The following TERB1 variants were observed in gnomAD, a reference collection of about 807,000 sequenced individuals.
TERB1 encodes telomere repeats-binding bouquet formation protein 1.
A neutral mutation model predicts 92.3 loss-of-function variants in TERB1; 63 were observed. The observed-to-expected ratio is 0.68, with a 90% confidence interval of 0.56 to 0.84. The LOEUF is 0.84. Ranked by LOEUF, TERB1 falls within the 40% of genes least tolerant of loss-of-function variation. The pLI, the probability that TERB1 is intolerant of heterozygous loss-of-function variation, is 0.00. For synonymous variants in TERB1, 252 were observed against 283.9 expected (o/e 0.89, Z 1.13); for missense variants, 709 against 843.7 (o/e 0.84, Z 1.98).
At chr16:66,782,906 C>T (rs1172230323) in intron 9 of TERB1, among the ~76,000 whole-genome samples, 1 of 152,138 alleles carries the variant, frequency 6.6e-6, no homozygotes, top group Non-Finnish European at 1.5e-5. Context: ...CTCCCTGTTG[C>T]CCAGGCTGGA....
chr16:66,789,703 A>AT (rs10542528), intron 5 of TERB1, among the ~76,000 whole-genome samples: 2,373 of 105,566 alleles, frequency 0.022, 70 homozygotes, highest in Middle Eastern at 0.065. Context: ...CTAAAAGGTG[A>AT]TTTTTTTTTT....
chr16:66,790,083 T>A (rs1339956786), intron 5 of TERB1, among the ~76,000 whole-genome samples: 1 of 152,188 alleles, frequency 6.6e-6, no homozygotes, highest in Admixed American at 6.5e-5. Flanking sequence ...TTTATATTCA[T>A]CCTCATTTTA....
At chr16:66,758,228 A>T (rs2018169224) in intron 18 of TERB1, 1 of 153,602 alleles carries the variant, frequency 6.5e-6, no homozygotes, top group Non-Finnish European at 1.4e-5. Flanking sequence ...AACACCTAGC[A>T]GGTGCTTAAT....
At chr16:66,797,186 TTGGGTGAC>T (rs1429352328) in intron 2 of TERB1, among the ~76,000 whole-genome samples, 2 of 152,030 alleles carry the variant, frequency 1.3e-5, no homozygotes, top group Admixed American at 1.3e-4. Context: ...AAATGAATGA[TTGGGTGAC>T]TGGATCTAAC....
chr16:66,794,915 AAAAAAAAACACAC>A (rs1334981630), intron 3 of TERB1, among the ~76,000 whole-genome samples: 2 of 75,156 alleles, frequency 2.7e-5, no homozygotes, highest in Admixed American at 3.6e-4. Flanking sequence ...GTCTCAAAAA[AAAAAAAAACACAC>A]ACACACACAC....
At chr16:66,781,812 G>C (rs186014804) in intron 9 of TERB1, among the ~76,000 whole-genome samples, 50 of 152,252 alleles carry the variant, frequency 3.3e-4, no homozygotes, top group Admixed American at 3.3e-3. Flanking sequence ...GAGCCACCGT[G>C]CTGGGCCCAA....
At chr16:66,785,562 G>A (rs888297335) in intron 9 of TERB1, among the ~76,000 whole-genome samples, 14 of 152,172 alleles carry the variant, frequency 9.2e-5, no homozygotes, top group Admixed American at 3.9e-4. Flanking sequence ...TCCGTTTTAT[G>A]AGAGTATCTG....
intron 16 of TERB1, among the ~76,000 whole-genome samples, chr16:66,759,622 A>C (rs1232685914): frequency 6.6e-6 from 1 of 151,366 alleles, no homozygotes; most frequent in African/African-American, 2.4e-5. Context: ...ATATGGTGAA[A>C]CCTCGTCTCT....
In TERB1 at chr16:66,793,211, G is replaced by GTTTTTTT. The variant is rs1174263983; in HGVS notation, c.32-2199_32-2193dup. On this transcript the variant is annotated intron_variant, in intron 3 of 18. Coordinates refer to ENST00000433154, the MANE Select transcript of TERB1 (RefSeq NM_001136505.2). Reference sequence around the variant, plus strand: ...GTCTCACTCTTTGTTTTGTGGTTTGGTTTTTTTTTTTTTTTTTTTTTTTTG... The same window carrying GTTTTTTT: ...GTCTCACTCTTTGTTTTGTGGTTTGGTTTTTTTTTTTTTTTTTTTTTTTTTTTTTTTG... Among the ~76,000 whole-genome samples, 45 of 93,560 alleles carry GTTTTTTT rather than the reference G, an allele frequency of 4.8e-4. 1 individual carries two copies. Among genetic ancestry groups the GTTTTTTT allele is most frequent in the Non-Finnish European group, 6.0e-4 (31 of 51,698 alleles). 61.4% of individuals were successfully genotyped at this position (93,560 alleles called of 152,430 possible).
Position 66,789,302 on chromosome 16 carries a change from C to T in TERB1, c.272-1005G>A, listed in dbSNP as rs1351640696. 1.7e-5 allele frequency among the ~76,000 whole-genome samples: 2 copies of T among 118,326 alleles called. 1 individual carries two copies. The highest frequency in any genetic ancestry group is 7.4e-5 in the African/African-American group (2 of 27,138). 77.6% of individuals were successfully genotyped at this position (118,326 alleles called of 152,430 possible). A position where few individuals can be genotyped will look rare whatever the true frequency, so the allele number is the denominator to read the frequency against. ...ATTAAAAATAAATTAAAAAAAAATT[C>T]GGCCGGGCGCGGTGGCTCACGCCTG... On this transcript the variant is annotated intron_variant, in intron 5 of 18. Transcript: ENST00000433154.
intron 2 of TERB1, among the ~76,000 whole-genome samples, chr16:66,798,448 C>T (rs983677001): frequency 3.9e-5 from 6 of 152,152 alleles, no homozygotes; most frequent in African/African-American, 1.4e-4. Context: ...TCCCAAAGGG[C>T]TGAGATTAGA....
intron 3 of TERB1, among the ~76,000 whole-genome samples, chr16:66,795,592 G>A (rs2145256677): frequency 6.6e-6 from 1 of 152,160 alleles, no homozygotes; most frequent in South Asian, 2.1e-4. Flanking sequence ...TGAGGTTGGA[G>A]GTTTCGTAAA....
intron 14 of TERB1, among the ~76,000 whole-genome samples, chr16:66,769,127 G>GA (rs1181446945): frequency 6.6e-6 from 1 of 151,284 alleles, no homozygotes; most frequent in East Asian, 1.9e-4. Context: ...AAAAGAAAAA[G>GA]AAAAAAGAAA....
rs114533248 is a variant in TERB1 at position 66,755,195 on chromosome 16, T to C, written c.1997-32A>G. 4.2e-4 allele frequency: 577 copies of C among 1,361,400 alleles called. 1 individual carries two copies. In the African/African-American group the frequency reaches 7.7e-3, roughly 18 times the overall value. The allele number at this position is 1,361,400 out of a possible 1,614,324, so 84.3% of individuals were successfully genotyped here. ...TTAGAATTGTAGAATATATTAGTAT[T>C]TGCTGAACAAAGGTCCTGAGATGCA... On this transcript the variant is annotated intron_variant, in intron 18 of 18. Transcript: ENST00000433154.
chr16:66,763,007 T>TA lies in TERB1; in HGVS notation c.1781-3718dup, dbSNP rs754202863. On this transcript the variant is annotated intron_variant, in intron 16 of 18. Transcript: ENST00000433154. ...GCCAGGACTCCTTTTTGTAAACAGA[T>TA]AAAACTATTATGACACCTAAAAATT... is the stretch of plus-strand genomic sequence containing the variant. Among the ~76,000 whole-genome samples, 106 of 152,138 alleles carry TA rather than the reference T, an allele frequency of 7.0e-4. 3 individuals are homozygous for TA. The highest frequency in any genetic ancestry group is 7.2e-4 in the Non-Finnish European group (49 of 68,024).
chr16:66,784,244 A>ATCT (rs35466724), intron 9 of TERB1, among the ~76,000 whole-genome samples: 76,680 of 151,428 alleles, frequency 0.51, 20,222 homozygotes, highest in African/African-American at 0.64. Context: ...ACGATTTCTA[A>ATCT]TCTCTTCATT....
At position 66,768,168 on chromosome 16, in the gene TERB1, A is replaced by C. The variant is rs1160921014; in HGVS notation, c.1620T>G (p.Ser540Arg). 4 of 1,546,270 alleles carry C rather than the reference A, an allele frequency of 2.6e-6. No homozygotes were observed. In the East Asian group the frequency reaches 7.3e-5, roughly 28 times the overall value. The part of the protein sequence containing the change: ...TFEKNFVSQS[S>R]DHVFKHPVHI... Reference sequence around the variant, plus strand: ...GAACTGGGTGTTTAAAAACATGGTCACTAAAAGAAAATAGACACCAGATTA... The same window carrying C: ...GAACTGGGTGTTTAAAAACATGGTCCCTAAAAGAAAATAGACACCAGATTA... The change falls in exon 15 of 19, where the codon AGT becomes AGG. Residue 540 changes from serine to arginine, a missense_variant and splice_region_variant. Coordinates refer to ENST00000433154, the MANE Select transcript of TERB1 (RefSeq NM_001136505.2).
chr16:66,794,918 A>C (rs201768565), intron 3 of TERB1, among the ~76,000 whole-genome samples: 66,433 of 146,564 alleles, frequency 0.45, 15,788 homozygotes, highest in East Asian at 0.61. Flanking sequence ...TCAAAAAAAA[A>C]AAAAACACAC....
intron 6 of TERB1, among the ~76,000 whole-genome samples, chr16:66,787,283 C>CTTTTTTTTTTT (rs58213946): frequency 5.8e-5 from 8 of 137,882 alleles, no homozygotes; most frequent in African/African-American, 7.9e-5. Context: ...TTTTCTTTTT[C>CTTTTTTTTTTT]TTTTTTTTTT....
Sources: gnomAD v4.1 joint callset for allele counts (sites outside exome capture counted in the v4.1 genomes callset) on GRCh38, gnomAD v4.1.1 for gene constraint, MANE v1.5 for transcripts, NCBI Gene and HGNC (gene_info 2026-07-23, HGNC 2026-07-21) for gene names.